ATP11A: variants seen among roughly 807,000 people sequenced by gnomAD.
ATP11A encodes the protein phospholipid-transporting ATPase IH.
Under a neutral mutation model 154.4 loss-of-function variants are expected in ATP11A, and 81 were observed. That is an observed-to-expected ratio of 0.52 (90% CI 0.44 to 0.63). ATP11A has a LOEUF of 0.63. Ranked by LOEUF, ATP11A falls within the 30% of genes least tolerant of loss-of-function variation. The pLI, the probability that ATP11A is intolerant of heterozygous loss-of-function variation, is 0.00. For missense variants in ATP11A, 1,316 were observed against 1,474.3 expected (o/e 0.89, Z 1.76); for synonymous variants, 623 against 585.9 (o/e 1.06, Z -0.91).
chr13:112,765,370 C>T (rs1165527575), intron 1 of ATP11A, among the ~76,000 whole-genome samples: 1 of 152,156 alleles, frequency 6.6e-6, no homozygotes, highest in Non-Finnish European at 1.5e-5. Flanking sequence ...TGGTCCTGGC[C>T]TGGGGGGGTC....
intron 17 of ATP11A, among the ~76,000 whole-genome samples, chr13:112,843,539 G>A (rs532428533): frequency 6.6e-6 from 1 of 152,326 alleles, no homozygotes; most frequent in South Asian, 2.1e-4. Flanking sequence ...ACGCTGGCCA[G>A]AGTGGCTACG....
chr13:112,858,190 A>T lies in ATP11A; in HGVS notation c.2567A>T (p.Tyr856Phe). 6.2e-7 allele frequency: 1 copy of T among 1,614,040 alleles called. No homozygotes were observed. The highest frequency in any genetic ancestry group is 8.5e-7 in the Non-Finnish European group (1 of 1,180,016). The change falls in exon 22 of 30, where the codon TAT (tyrosine) becomes TTT (phenylalanine). Residue 856 changes from tyrosine (Y) to phenylalanine (F), a missense_variant. Physicochemically the swap from Tyr to Phe is conservative, Grantham distance 22 (BLOSUM62 3). Coordinates refer to ENST00000375645, the MANE Select transcript of ATP11A (RefSeq NM_015205.3). ...CGCCAGGCTGCCAGGAACAGCGACTATGCAATCCCAAAGTTTAAGCATTTG... is the reference window on the plus strand; with the variant it reads ...CGCCAGGCTGCCAGGAACAGCGACTTTGCAATCCCAAAGTTTAAGCATTTG... ...EGRQAARNSD[Y>F]AIPKFKHLKK...
At chr13:112,770,258 T>G (rs2077194709) in intron 1 of ATP11A, among the ~76,000 whole-genome samples, 1 of 152,204 alleles carries the variant, frequency 6.6e-6, no homozygotes, top group Non-Finnish European at 1.5e-5. Flanking sequence ...CACCCCACAT[T>G]TCCCAGGTCG....
chr13:112,806,183 A>G, intron 3 of ATP11A, 30 bp from the exon 4 acceptor site: 3 of 1,574,112 alleles, frequency 1.9e-6, no homozygotes, highest in Non-Finnish European at 2.6e-6. Flanking sequence ...GTGTTTTTGA[A>G]GATGATTTTA....
intron 22 of ATP11A, 140 bp downstream of exon 22, chr13:112,858,430 T>G: frequency 1.1e-6 from 1 of 891,386 alleles, no homozygotes. Context: ...AAGGGGTGAA[T>G]CTGATTGCAG....
At chr13:112,788,719 T>G (rs779916618) in intron 2 of ATP11A, among the ~76,000 whole-genome samples, 1 of 148,318 alleles carries the variant, frequency 6.7e-6, no homozygotes, top group African/African-American at 2.5e-5. Context: ...AATTCGCACC[T>G]GGCATCCTGA....
chr13:112,747,653 T>G (rs868864210), intron 1 of ATP11A, among the ~76,000 whole-genome samples: 1 of 152,126 alleles, frequency 6.6e-6, no homozygotes, highest in Non-Finnish European at 1.5e-5. Flanking sequence ...CTGGCCAACA[T>G]GGGGAAACCC....
chr13:112,816,641 T>G (rs2140185320), intron 6 of ATP11A, among the ~76,000 whole-genome samples: 1 of 152,328 alleles, frequency 6.6e-6, no homozygotes, highest in Middle Eastern at 3.4e-3. Flanking sequence ...CAGCACGCTC[T>G]TGTCCGCTCT....
rs563072422 is a variant in ATP11A at position 112,772,198 on chromosome 13, T to C, written c.40-12937T>C. Among the ~76,000 whole-genome samples the C allele has an allele frequency of 2.0e-5, 3 of 152,360 alleles. No homozygotes were observed. The South Asian group carries it at 6.2e-4, about 32-fold the overall frequency. ...TCTTTTTCTAAGACGGAGTTTATTATGTCAACAGTGCTCTATATACTATAT... is the reference window on the plus strand; with the variant it reads ...TCTTTTTCTAAGACGGAGTTTATTACGTCAACAGTGCTCTATATACTATAT... On this transcript the variant is annotated intron_variant, in intron 1 of 29. Transcript: ENST00000375645.
chr13:112,878,055 G>A (rs978372342), intron 28 of ATP11A, among the ~76,000 whole-genome samples, 162 bp from the exon 29 acceptor site: 1 of 152,216 alleles, frequency 6.6e-6, no homozygotes, highest in African/African-American at 2.4e-5. Flanking sequence ...CGCCCAGAGT[G>A]ACCAGAAGAA....
intron 4 of ATP11A, among the ~76,000 whole-genome samples, chr13:112,808,041 G>A (rs1342992640): frequency 1.3e-5 from 2 of 152,112 alleles, no homozygotes; most frequent in Non-Finnish European, 2.9e-5. Flanking sequence ...AGAGGAGAGC[G>A]TGGAGTAGGG....
chr13:112,861,898 A>G (rs1427393006), intron 24 of ATP11A, among the ~76,000 whole-genome samples: 3 of 151,774 alleles, frequency 2.0e-5, no homozygotes, highest in Non-Finnish European at 4.4e-5. Flanking sequence ...ATGGGAATAA[A>G]TCTAAGAAAA....
In ATP11A at chr13:112,785,647, CCCCGGAGAAAGAG is replaced by C. The variant is rs1460878479; in HGVS notation, c.162+393_162+405del. Among the ~76,000 whole-genome samples the C allele has an allele frequency of 6.6e-6, 1 of 152,156 alleles. No homozygotes were observed. The highest frequency in any genetic ancestry group is 2.4e-5 in the African/African-American group (1 of 41,448). ...AGTAAGGTAGAAACGATACCAGCCA[CCCCGGAGAAAGAG>C]CCAACAAACGCAGGCTGGACAGCAA... On this transcript the variant is annotated intron_variant, in intron 2 of 29. Coordinates refer to ENST00000375645, the MANE Select transcript of ATP11A (RefSeq NM_015205.3). The surrounding 1 kb of genome is among the most constrained non-coding windows in gnomAD (Gnocchi z 4.8).
At chr13:112,731,177 C>T (rs1205247260) in intron 1 of ATP11A, among the ~76,000 whole-genome samples, 2 of 151,284 alleles carry the variant, frequency 1.3e-5, no homozygotes, top group Non-Finnish European at 2.9e-5. Context: ...TCCAGTGATC[C>T]ACCCTCCTCA....
chr13:112,870,580 T>C (rs1026163747), intron 25 of ATP11A, among the ~76,000 whole-genome samples: 2 of 152,204 alleles, frequency 1.3e-5, no homozygotes, highest in Non-Finnish European at 2.9e-5. Flanking sequence ...GGTTTCACCA[T>C]GTTGGCCAGG....
chr13:112,712,867 C>T (rs1193648303), intron 1 of ATP11A, among the ~76,000 whole-genome samples: 1 of 152,184 alleles, frequency 6.6e-6, no homozygotes, highest in East Asian at 1.9e-4. Context: ...CTGGTGTTTG[C>T]TGAACACAAA....
chr13:112,691,140 G>A (rs1453998509), intron 1 of ATP11A, among the ~76,000 whole-genome samples: 1 of 152,134 alleles, frequency 6.6e-6, no homozygotes, highest in Non-Finnish European at 1.5e-5. Flanking sequence ...ACCAGAGGAG[G>A]GGAAACCGGA....
chr13:112,859,553 T>C lies in ATP11A; in HGVS notation c.2727+101T>C. On this transcript the variant is annotated intron_variant, in intron 23 of 29. Coordinates refer to ENST00000375645, the MANE Select transcript of ATP11A (RefSeq NM_015205.3). This position sits in a 1 kb window ranked among gnomAD's most constrained non-coding sequence, Gnocchi z 4.3. ...GGGGAGACTTGGGAATGAGCAGCAC[T>C]CCCCGGCACCACGAGGGAGCCAGGG... 1 of 963,738 alleles carries C rather than the reference T, an allele frequency of 1.0e-6. No individual in the cohort carries two copies. Among genetic ancestry groups the C allele is most frequent in the Non-Finnish European group, 1.6e-6 (1 of 610,790 alleles). The allele number at this position is 963,738 out of a possible 1,614,324, so 59.7% of individuals were successfully genotyped here.
In ATP11A at chr13:112,763,055, C is replaced by T. The variant is rs544874322; in HGVS notation, c.40-22080C>T. 2.0e-5 allele frequency among the ~76,000 whole-genome samples: 3 copies of T among 152,348 alleles called. No homozygotes were observed. In the South Asian group the frequency reaches 6.2e-4, roughly 32 times the overall value. On this transcript the variant is annotated intron_variant, in intron 1 of 29. Transcript: ENST00000375645. ...AAAAGCGCATCCCTGAGCAGCCCTG[C>T]GCGGTGGCTGAGTGCCTGCGTCCAG...
Sources: gnomAD v4.1 joint callset for allele counts (sites outside exome capture counted in the v4.1 genomes callset) on GRCh38, gnomAD v4.1.1 for gene constraint, Gnocchi (gnomAD v3.1) non-coding constraint, MANE v1.5 for transcripts, NCBI Gene and HGNC (gene_info 2026-07-23, HGNC 2026-07-21) for gene names.